The following CSMD1 variants were observed in gnomAD, a reference collection of about 807,000 sequenced individuals.
CSMD1 encodes CUB and Sushi multiple domains 1, also known as CUB and sushi domain-containing protein 1.
Under a neutral mutation model 417.5 loss-of-function variants are expected in CSMD1, and 213 were observed. The ratio of observed to expected loss-of-function variants is 0.51; its 90% confidence interval spans 0.46 to 0.57. The LOEUF is 0.57. Among genes scored for constraint, CSMD1 ranks in the 20% least tolerant of loss-of-function variants. The pLI is 0.00. For missense variants in CSMD1, 6,923 were observed against 4,529.7 expected (o/e 1.53, Z -15.17); for synonymous variants, 2,862 against 1,736.8 (o/e 1.65, Z -16.11).
intron 1 of CSMD1, among the ~76,000 whole-genome samples, chr8:4,853,418 G>C (rs1247328517): frequency 6.6e-6 from 1 of 152,228 alleles, no homozygotes; most frequent in South Asian, 2.1e-4. Flanking sequence ...GCTTCAGAGG[G>C]TGCAATCCAT....
rs546091127 is a variant in CSMD1, at chr8:3,039,062, C to T, written c.7661-9549G>A. Among the ~76,000 whole-genome samples the T allele has an allele frequency of 7.2e-5, 11 of 152,270 alleles. No homozygotes were observed. The East Asian group carries it at 1.2e-3, about 16-fold the overall frequency. On this transcript the variant is annotated intron_variant, in intron 50 of 69. Coordinates refer to ENST00000635120, the MANE Select transcript of CSMD1 (RefSeq NM_033225.6). ...CAGAAGAGATCTAGACAGAAAGTAA[C>T]CCAGGCAGCAGAGTGGGAGCAAAGG...
intron 1 of CSMD1, among the ~76,000 whole-genome samples, chr8:4,957,698 T>C (rs954146313): frequency 3.9e-5 from 6 of 152,206 alleles, no homozygotes; most frequent in Non-Finnish European, 7.3e-5. Flanking sequence ...TATAGTAAGA[T>C]TTTTTGTTTG....
intron 52 of CSMD1, among the ~76,000 whole-genome samples, chr8:3,013,955 A>G (rs17389359): frequency 0.011 from 1,641 of 152,262 alleles, 20 homozygotes; most frequent in Middle Eastern, 0.027. Flanking sequence ...AGCACTTGTC[A>G]CATATGAGCC....
At chr8:3,475,200 C>A (rs1817335727) in intron 11 of CSMD1, among the ~76,000 whole-genome samples, 1 of 152,016 alleles carries the variant, frequency 6.6e-6, no homozygotes. Flanking sequence ...AGGATTTTTG[C>A]CTCTAGGTCA....
intron 69 of CSMD1, among the ~76,000 whole-genome samples, chr8:2,942,158 C>T (rs1403348969): frequency 6.6e-6 from 1 of 151,866 alleles, no homozygotes; most frequent in East Asian, 1.9e-4. Context: ...GGGGACAACA[C>T]ACACTGGGGC....
In CSMD1 at chr8:3,408,142, A is replaced by T. The variant is rs371112624; in HGVS notation, c.1828T>A (p.Cys610Ser). 1.2e-6 allele frequency: 2 copies of T among 1,613,468 alleles called. No homozygotes were observed. Among genetic ancestry groups the T allele is most frequent in the African/African-American group, 2.7e-5 (2 of 74,910 alleles). Residue 610 changes from cysteine to serine, a missense_variant, in exon 14 of 70, where the codon TGT becomes AGT. Physicochemically the swap from Cys to Ser is moderately radical, Grantham distance 112. Coordinates refer to ENST00000635120, the MANE Select transcript of CSMD1 (RefSeq NM_033225.6). ...YPEEYGNNMN[C>S]VWLIISEPGS... ...GGCTCCGAGATAATCAACCAGACAC[A>T]GTTCATGTTGTTCCCATATTCCTCT...
intron 6 of CSMD1, among the ~76,000 whole-genome samples, chr8:3,746,362 G>A (rs972666499): frequency 2.6e-5 from 4 of 152,174 alleles, no homozygotes; most frequent in Non-Finnish European, 5.9e-5. Flanking sequence ...GTTTTAAATA[G>A]CTGAGATTTA....
chr8:3,744,047 C>T (rs935307672), intron 6 of CSMD1, among the ~76,000 whole-genome samples: 1 of 152,160 alleles, frequency 6.6e-6, no homozygotes, highest in African/African-American at 2.4e-5. Context: ...ATGTGGAGCC[C>T]TCACAATCCT....
rs778516268 is a variant in CSMD1 at position 3,106,633 on chromosome 8, C to G, written c.6844G>C (p.Val2282Leu). ...TACCCGGGGTGGCACTGGTACTTCA[C>G]AAAATCTCCTAGAAGAGTCAATGCA... is the stretch of plus-strand genomic sequence containing the variant. ...EDDDFEIGDFVKYQCHPGYTL... is the reference protein window; with the variant it reads ...EDDDFEIGDFLKYQCHPGYTL... The change falls in exon 46 of 70, where the codon GTG becomes CTG. Residue 2282 changes from valine to leucine, a missense_variant. Val to Leu is a conservative substitution (Grantham distance 32). Transcript: ENST00000635120. The G allele has an allele frequency of 6.2e-7, 1 of 1,610,344 alleles. No homozygotes were observed. Among genetic ancestry groups the G allele is most frequent in the Non-Finnish European group, 8.5e-7 (1 of 1,177,122 alleles).
intron 3 of CSMD1, among the ~76,000 whole-genome samples, chr8:4,107,214 G>C (rs1006239136): frequency 1.3e-5 from 2 of 152,154 alleles, no homozygotes; most frequent in African/African-American, 4.8e-5. Flanking sequence ...CACTACTACA[G>C]AGCTAGAAGT....
intron 5 of CSMD1, among the ~76,000 whole-genome samples, chr8:3,943,858 T>C (rs369899530): frequency 3.3e-5 from 5 of 152,214 alleles, no homozygotes; most frequent in East Asian, 3.9e-4. Flanking sequence ...CCGTTTCCTA[T>C]TTAGGGAAAC....
intron 3 of CSMD1, among the ~76,000 whole-genome samples, chr8:4,230,886 CA>C (rs1300543925): frequency 6.6e-6 from 1 of 152,088 alleles, no homozygotes; most frequent in East Asian, 1.9e-4. Flanking sequence ...TAACTTGAGT[CA>C]CCACCAAATT....
At chr8:3,273,260 C>G (rs1295573476) in intron 26 of CSMD1, among the ~76,000 whole-genome samples, 2 of 151,824 alleles carry the variant, frequency 1.3e-5, no homozygotes, top group African/African-American at 2.4e-5. Flanking sequence ...ATTGAACTAG[C>G]CTTGCATCCC....
At chr8:3,291,334 C>T (rs1357846786) in intron 25 of CSMD1, among the ~76,000 whole-genome samples, 7 of 135,810 alleles carry the variant, frequency 5.2e-5, no homozygotes, top group Non-Finnish European at 1.1e-4. Flanking sequence ...GTGATGCTGG[C>T]CCCATAAAAT....
intron 5 of CSMD1, among the ~76,000 whole-genome samples, chr8:3,764,817 G>C (rs1182377221): frequency 6.7e-6 from 1 of 149,426 alleles, no homozygotes. Flanking sequence ...CACCATCTTG[G>C]CTCAGTGAAA....
chr8:3,796,427 G>GATAT (rs1293725528), intron 5 of CSMD1, among the ~76,000 whole-genome samples: 1 of 96,888 alleles, frequency 1.0e-5, no homozygotes, highest in African/African-American at 4.1e-5. Context: ...ATCATGTATA[G>GATAT]ATATATATAT....
intron 19 of CSMD1, among the ~76,000 whole-genome samples, chr8:3,367,492 G>A (rs898871780): frequency 2.6e-5 from 4 of 151,956 alleles, no homozygotes; most frequent in African/African-American, 9.7e-5. Context: ...GAGGTTAGGA[G>A]AGGTAACAAT....
intron 18 of CSMD1, among the ~76,000 whole-genome samples, chr8:3,386,340 A>C (rs754593740): frequency 6.6e-6 from 1 of 151,608 alleles, no homozygotes; most frequent in African/African-American, 2.4e-5. Context: ...GCCGAACTCG[A>C]CTCCCACCTA....
chr8:4,303,330 G>C (rs12681753), intron 3 of CSMD1, among the ~76,000 whole-genome samples: 111,615 of 151,334 alleles, frequency 0.74, 41,303 homozygotes, highest in East Asian at 0.85. Context: ...TGTATTAAAG[G>C]AAGCAAAAAT....
Sources: gnomAD v4.1 joint callset for allele counts (sites outside exome capture counted in the v4.1 genomes callset) on GRCh38, gnomAD v4.1.1 for gene constraint, MANE v1.5 for transcripts, NCBI Gene and HGNC (gene_info 2026-07-23, HGNC 2026-07-21) for gene names.